The following HARS1 variants were observed in gnomAD, a reference collection of about 807,000 sequenced individuals.
HARS1 encodes the protein histidine--tRNA ligase, cytoplasmic.
Under a neutral mutation model 63.6 loss-of-function variants are expected in HARS1, and 45 were observed. The observed-to-expected ratio is 0.71, with a 90% CI of 0.56 to 0.91. The LOEUF (loss-of-function observed/expected upper bound fraction) is 0.91, where lower values mean the gene tolerates loss of function less well. HARS1 is among the 40% of genes least tolerant of loss of function. The pLI, the probability that HARS1 is intolerant of heterozygous loss-of-function variation, is 0.00. For synonymous variants in HARS1, 205 were observed against 247.1 expected, an observed-to-expected ratio of 0.83 and a Z score of 1.60; for missense variants, 508 against 643.2, an observed-to-expected ratio of 0.79 and a Z score of 2.27.
rs369952694 is a variant in HARS1 at position 140,678,039 on chromosome 5, G to T, written c.523-24C>A. 7 of 1,310,434 alleles carry T rather than the reference G, an allele frequency of 5.3e-6. No homozygotes were observed. The East Asian group carries it at 9.2e-5, about 17-fold the overall frequency. 81.2% of individuals were successfully genotyped at this position (1,310,434 alleles called of 1,614,324 possible). ...TCCTGCAGGGAGAGGGTTAGCCAGC[G>T]GTCTTCAGGGATTCACCTTTCTGAA... On this transcript the variant is annotated intron_variant, in intron 5 of 12. Coordinates refer to ENST00000504156, the MANE Select transcript of HARS1 (RefSeq NM_002109.6).
In HARS1 at chr5:140,676,711, A is replaced by G; in HGVS notation, c.1137T>C (p.Cys379=). Residue 379 remains cysteine (C), a synonymous_variant, in exon 10 of 13, where the codon TGT becomes TGC. Transcript: ENST00000504156. This position sits in a 1 kb window ranked among gnomAD's most constrained non-coding sequence, Gnocchi z 4.1. ...MFDPKGRKVP[C]VGLSIGVERI... ...GCTCCACCCCAATGCTGAGCCCCAC[A>G]CATGGCACCTTGCGCCCTTTGGGGT... 1 of 1,614,160 alleles carries G rather than the reference A, an allele frequency of 6.2e-7. No homozygotes were observed. Among genetic ancestry groups the G allele is most frequent in the Non-Finnish European group, 8.5e-7 (1 of 1,180,020 alleles).
At position 140,683,175 on chromosome 5, in the gene HARS1, C is replaced by T. The variant is rs762482807; in HGVS notation, c.225G>A (p.Lys75=). 3 of 1,613,844 alleles carry T rather than the reference C, an allele frequency of 1.9e-6. No homozygotes were observed. The highest frequency in any genetic ancestry group is 2.2e-5 in the South Asian group (2 of 91,070). Reference sequence around the variant, plus strand: ...AGCAACGGATGATTACGTCAAACACCTTCTCGCGAACTGCCATCTGCCGGG... The same window carrying T: ...AGCAACGGATGATTACGTCAAACACTTTCTCGCGAACTGCCATCTGCCGGG... ...YSPRQMAVRE[K]VFDVIIRCFK... is the part of the protein sequence containing the mutation. The change falls in exon 3 of 13, where the codon AAG becomes AAA. Residue 75 remains lysine (K), a synonymous_variant. Coordinates refer to ENST00000504156, the MANE Select transcript of HARS1 (RefSeq NM_002109.6).
chr5:140,678,281 T>C, intron 5 of HARS1: 1 of 500,190 alleles, frequency 2.0e-6, no homozygotes, highest in Non-Finnish European at 3.6e-6. Context: ...TATATGGCTT[T>C]AGTGCTTAGC....
intron 2 of HARS1, among the ~76,000 whole-genome samples, chr5:140,685,865 A>G (rs2149836074): frequency 6.6e-6 from 1 of 152,244 alleles, no homozygotes; most frequent in East Asian, 1.9e-4. Context: ...AAATGTTGAT[A>G]CATTTCATTA....
chr5:140,686,888 C>T (rs1354177206), intron 2 of HARS1, among the ~76,000 whole-genome samples: 1 of 152,164 alleles, frequency 6.6e-6, no homozygotes, highest in African/African-American at 2.4e-5. Flanking sequence ...CCACCATGCC[C>T]TGACTAAGTT....
At chr5:140,688,096 T>G (rs1581525097) in intron 2 of HARS1, among the ~76,000 whole-genome samples, 1 of 150,330 alleles carries the variant, frequency 6.7e-6, no homozygotes, top group Admixed American at 6.7e-5. Flanking sequence ...AGAGCAAGAC[T>G]CCGTCTCAAA....
In HARS1 at chr5:140,679,816, T is replaced by A; in HGVS notation, c.368A>T (p.Glu123Val). 1 of 1,607,778 alleles carries A rather than the reference T, an allele frequency of 6.2e-7. No homozygotes were observed. The highest frequency in any genetic ancestry group is 1.1e-5 in the South Asian group (1 of 90,920). ...GAGGTCATAGCGAAGGGACAGGAGC[T>A]CCCCGCCCTGGTCCTTCAGGTCATA... The part of the protein sequence containing the change: ...LIYDLKDQGG[E>V]LLSLRYDLTV... The change falls in exon 4 of 13, where the codon GAG becomes GTG. Residue 123 changes from glutamate (E) to valine (V), a missense_variant. Glu to Val is a moderately radical substitution (Grantham distance 121). Coordinates refer to ENST00000504156, the MANE Select transcript of HARS1 (RefSeq NM_002109.6). The surrounding 1 kb of genome is among the most constrained non-coding windows in gnomAD (Gnocchi z 4.3).
rs567750638 is a variant in HARS1, at chr5:140,680,612, G to A, written c.301-729C>T. Among the ~76,000 whole-genome samples, 19 of 152,256 alleles carry A rather than the reference G, an allele frequency of 1.2e-4. No individual in the cohort carries two copies. The East Asian group carries it at 3.7e-3, about 29-fold the overall frequency. On this transcript the variant is annotated intron_variant, in intron 3 of 12. Transcript: ENST00000504156. The stretch of plus-strand genomic sequence containing the variant: ...TAATCCCAGCACTTTGGGAGGCCAA[G>A]GCGGATGGATCACCTGAGGTCAGGA...
At chr5:140,678,329 T>A (rs1451214813) in intron 5 of HARS1, 3 of 385,656 alleles carry the variant, frequency 7.8e-6, no homozygotes, top group Non-Finnish European at 1.4e-5. Context: ...GGCATCAGTC[T>A]GGATGATTTG....
In HARS1 at chr5:140,677,052, C is replaced by T; in HGVS notation, c.888G>A (p.Leu296=). ...DPKLSQNKQA[L]EGLGDLKLLF... ...GCAACTTCAGGTCTCCCAGGCCCTC[C>T]AAGGCCTGCTTGTTTTGGGATAGTT... The change falls in exon 9 of 13, where the codon TTG becomes TTA. Residue 296 remains leucine, a synonymous_variant. Coordinates refer to ENST00000504156, the MANE Select transcript of HARS1 (RefSeq NM_002109.6). 3 of 1,614,038 alleles carry T rather than the reference C, an allele frequency of 1.9e-6. No individual in the cohort carries two copies. The highest frequency in any genetic ancestry group is 3.3e-4 in the Middle Eastern group (2 of 6,060).
chr5:140,686,493 T>G (rs895546819), intron 2 of HARS1, among the ~76,000 whole-genome samples: 1 of 151,828 alleles, frequency 6.6e-6, no homozygotes, highest in South Asian at 2.1e-4. Context: ...CCCACCTTGG[T>G]CTCTCAAAGT....
chr5:140,688,103 CAAACAAAACAAAACA>C (rs59554063), intron 2 of HARS1, among the ~76,000 whole-genome samples: 30,343 of 150,516 alleles, frequency 0.2, 3,072 homozygotes, highest in Non-Finnish European at 0.21. Flanking sequence ...GACTCCGTCT[CAAACAAAACAAAACA>C]AAACAAAACA....
intron 12 of HARS1, 68 bp from the exon 13 acceptor site, chr5:140,674,396 TC>T: frequency 9.0e-7 from 1 of 1,113,990 alleles, no homozygotes; most frequent in Non-Finnish European, 1.4e-6. Flanking sequence ...GTGCCTAGTT[TC>T]CTCTAGCCCT....
chr5:140,678,384 C>T (rs757242953), intron 5 of HARS1: 50 of 238,788 alleles, frequency 2.1e-4, no homozygotes, highest in Non-Finnish European at 3.8e-4. Context: ...GATCCTATCA[C>T]TGTGGTTTAA....
chr5:140,675,252 T>C lies in HARS1; in HGVS notation c.1195-119A>G, dbSNP rs953842186. 15 of 702,982 alleles carry C rather than the reference T, an allele frequency of 2.1e-5. No homozygotes were observed. In the African/African-American group the frequency reaches 2.7e-4, roughly 12 times the overall value. 43.5% of individuals were successfully genotyped at this position (702,982 alleles called of 1,614,324 possible). A position where few individuals can be genotyped will look rare whatever the true frequency, so the allele number is the denominator to read the frequency against. On this transcript the variant is annotated intron_variant, in intron 10 of 12. Transcript: ENST00000504156. ...CAGCTCTACCAGGGCAGGGGCCCTG[T>C]CTTCTCATCTAGCACCTTGGGCATA...
chr5:140,674,640 C>G (rs367901273), intron 12 of HARS1, 39 bp downstream of exon 12: 185 of 1,612,084 alleles, frequency 1.1e-4, no homozygotes, highest in Non-Finnish European at 1.5e-4. Context: ...AAATGGCATA[C>G]ATTCTCTGTC....
chr5:140,675,098 C>T lies in HARS1; in HGVS notation c.1230G>A (p.Gln410=). ...LEEKIRTTET[Q]VLVASAQKKL... ...TCTTCTGTGCAGATGCCACAAGCAC[C>T]TGTGTCTCCGTGGTCCGTATCTTCT... The change falls in exon 11 of 13, where the codon CAG becomes CAA. Residue 410 remains glutamine, a synonymous_variant. Coordinates refer to ENST00000504156, the MANE Select transcript of HARS1 (RefSeq NM_002109.6). The T allele has an allele frequency of 6.2e-7, 1 of 1,613,154 alleles. No homozygotes were observed. The highest frequency in any genetic ancestry group is 8.5e-7 in the Non-Finnish European group (1 of 1,179,226).
In HARS1 at chr5:140,691,231, T is replaced by C. The variant is rs769640201; in HGVS notation, c.74A>G (p.Lys25Arg). The C allele has an allele frequency of 1.2e-6, 2 of 1,606,066 alleles. No homozygotes were observed. The highest frequency in any genetic ancestry group is 4.5e-5 in the East Asian group (2 of 44,842). Reference sequence around the variant, plus strand: ...AAATCTCACCAGCTCGGCGCTGGCCTTCTGCTGCTTGAGGCCTCGCACGCG... The same window carrying C: ...AAATCTCACCAGCTCGGCGCTGGCCCTCTGCTGCTTGAGGCCTCGCACGCG... The part of the protein sequence containing the change: ...GERVRGLKQQ[K>R]ASAELIEEEV... The change falls in exon 1 of 13, where the codon AAG becomes AGG. Residue 25 changes from lysine (K) to arginine (R), a missense_variant. This residue lies in a region of HARS1 where 105 missense variants were observed against 94.5 expected (regional missense o/e 1.11). Coordinates refer to ENST00000504156, the MANE Select transcript of HARS1 (RefSeq NM_002109.6).
At chr5:140,675,249 C>G (rs184400035) in intron 10 of HARS1, 116 bp from the exon 11 acceptor site, 5 of 714,060 alleles carry the variant, frequency 7.0e-6, no homozygotes, top group African/African-American at 1.8e-5. Context: ...GGCAGGGGCC[C>G]TGTCTTCTCA....
Sources: gnomAD v4.1 joint callset for allele counts (sites outside exome capture counted in the v4.1 genomes callset) on GRCh38, gnomAD v4.1.1 for gene constraint, gnomAD v4.1.1 regional missense constraint, Gnocchi (gnomAD v3.1) non-coding constraint, MANE v1.5 for transcripts, NCBI Gene and HGNC (gene_info 2026-07-23, HGNC 2026-07-21) for gene names.